BLTP1: variants seen among roughly 807,000 people sequenced by gnomAD.
BLTP1 encodes the protein fragile site-associated protein.
At chr4:122,321,525 GTA>G in the BLTP1 span, among the ~76,000 whole-genome samples, 1 of 120,890 alleles carries the variant, frequency 8.3e-6, no homozygotes, top group East Asian at 2.3e-4. Flanking sequence ...GTGTGCATGT[GTA>G]TATATGTGTG....
chr4:122,203,573 G>T, the BLTP1 span, among the ~76,000 whole-genome samples: 1 of 151,800 alleles, frequency 6.6e-6, no homozygotes, highest in Non-Finnish European at 1.5e-5. Flanking sequence ...TCAGGAAAGT[G>T]CTTCCTTTTT....
the BLTP1 span, chr4:122,325,353 T>C: frequency 1.9e-6 from 3 of 1,567,074 alleles, no homozygotes; most frequent in Non-Finnish European, 2.6e-6. Context: ...GAGATATACA[T>C]TGCTAAGTAG....
chr4:122,211,188 G>A, the BLTP1 span: 1 of 1,141,626 alleles, frequency 8.8e-7, no homozygotes, highest in African/African-American at 1.6e-5. Flanking sequence ...ATAGCCAGTT[G>A]GATTATTTAA....
chr4:122,219,363 C>T, the BLTP1 span: 12 of 1,613,452 alleles, frequency 7.4e-6, no homozygotes, highest in Non-Finnish European at 1.0e-5. Context: ...GGGAAGATGA[C>T]ATGTATATGG....
the BLTP1 span, chr4:122,359,613 A>T: frequency 1.9e-6 from 3 of 1,612,650 alleles, no homozygotes; most frequent in Non-Finnish European, 2.5e-6. Flanking sequence ...TCCAATTATT[A>T]TACATGACGA....
the BLTP1 span, among the ~76,000 whole-genome samples, chr4:122,178,487 A>G: frequency 6.6e-6 from 1 of 152,204 alleles, no homozygotes; most frequent in African/African-American, 2.4e-5. Flanking sequence ...TCCGTCTCTA[A>G]CTTGCTGGGC....
the BLTP1 span, chr4:122,263,014 T>G: frequency 6.2e-7 from 1 of 1,600,088 alleles, no homozygotes; most frequent in Non-Finnish European, 8.5e-7. Flanking sequence ...AATTACATGT[T>G]TATATTTACG....
the BLTP1 span, chr4:122,226,941 C>A: frequency 1.3e-6 from 1 of 789,500 alleles, no homozygotes; most frequent in Non-Finnish European, 1.8e-6. Flanking sequence ...ATGCAGCAAA[C>A]TACAGTTTTT....
At chr4:122,179,015 A>G in the BLTP1 span, among the ~76,000 whole-genome samples, 2 of 152,194 alleles carry the variant, frequency 1.3e-5, no homozygotes, top group Admixed American at 6.5e-5. Context: ...ATGTTGGCTC[A>G]TGCCTGTAAT....
chr4:122,249,359 ATC>A, the BLTP1 span: 3 of 1,411,774 alleles, frequency 2.1e-6, no homozygotes, highest in African/African-American at 1.4e-5. Context: ...CTGTTTTTCT[ATC>A]TTTTTGACAG....
the BLTP1 span, among the ~76,000 whole-genome samples, chr4:122,340,049 GA>G: frequency 1.3e-5 from 2 of 151,908 alleles, no homozygotes; most frequent in East Asian, 1.9e-4. Context: ...GAATACCTCT[GA>G]AAAAAAGAGA....
At chr4:122,243,831 A>G in the BLTP1 span, 2 of 1,455,550 alleles carry the variant, frequency 1.4e-6, no homozygotes, top group Non-Finnish European at 1.8e-6. Context: ...TTTAATATAC[A>G]ATTTGCTTGT....
At chr4:122,343,739 CCTAT>C in the BLTP1 span, 1 of 970,628 alleles carries the variant, frequency 1.0e-6, no homozygotes, top group Non-Finnish European at 1.5e-6. Flanking sequence ...TTTGATAATA[CCTAT>C]CTCATATTTA....
the BLTP1 span, chr4:122,325,925 C>G: frequency 1.5e-5 from 14 of 913,978 alleles, no homozygotes; most frequent in Non-Finnish European, 2.1e-5. Context: ...CAGGTACTTA[C>G]TAAGAACAAT....
chr4:122,167,775 C>T, the BLTP1 span: 1 of 985,324 alleles, frequency 1.0e-6, no homozygotes. Flanking sequence ...GCTGAGACTT[C>T]TGTTTCTCTC....
the BLTP1 span, chr4:122,187,995 T>G: frequency 1.3e-6 from 2 of 1,599,134 alleles, no homozygotes; most frequent in Non-Finnish European, 1.7e-6. Context: ...TCAAGTCATC[T>G]TGACCAATTC....
the BLTP1 span, chr4:122,331,424 C>T: frequency 6.2e-7 from 1 of 1,612,014 alleles, no homozygotes; most frequent in Non-Finnish European, 8.5e-7. Context: ...CTTAGTGGCA[C>T]AGCTACAGAG....
the BLTP1 span, chr4:122,197,063 G>T: frequency 1.7e-6 from 1 of 590,154 alleles, no homozygotes; most frequent in Non-Finnish European, 2.7e-6. Context: ...GTAAAAATTT[G>T]AACTTTTGTT....
the BLTP1 span, among the ~76,000 whole-genome samples, chr4:122,232,965 T>C: frequency 1.3e-5 from 2 of 152,230 alleles, no homozygotes; most frequent in African/African-American, 2.4e-5. Context: ...AAATGTATAT[T>C]CATTTCTGAT....
Sources: allele counts gnomAD v4.1 joint callset (sites outside exome capture counted in the v4.1 genomes callset), GRCh38; gene constraint gnomAD v4.1.1; transcripts MANE v1.5; gene names NCBI Gene and HGNC (gene_info 2026-07-23, HGNC 2026-07-21).